The following ME3 variants were observed in gnomAD, a reference collection of about 807,000 sequenced individuals.
ME3 encodes NADP-dependent malic enzyme, mitochondrial.
Under a neutral mutation model 68.9 loss-of-function variants are expected in ME3, and 48 were observed. That is an observed-to-expected ratio of 0.70 (90% CI 0.55 to 0.89). ME3 has a LOEUF of 0.89. ME3 is among the 40% of genes least tolerant of loss of function. The pLI is 0.00. For missense variants in ME3, 675 were observed against 797.4 expected (o/e 0.85, Z 1.85); for synonymous variants, 320 against 318.8 (o/e 1.00, Z -0.04).
At chr11:86,475,546 C>T (rs181502481) in intron 7 of ME3, among the ~76,000 whole-genome samples, 34 of 151,994 alleles carry the variant, frequency 2.2e-4, no homozygotes, top group East Asian at 7.7e-4. Flanking sequence ...AGGGAAGGCA[C>T]GTGATAAATA....
At chr11:86,458,940 G>A (rs1950090292) in intron 8 of ME3, among the ~76,000 whole-genome samples, 1 of 152,180 alleles carries the variant, frequency 6.6e-6, no homozygotes, top group South Asian at 2.1e-4. Context: ...TTATCTTCCA[G>A]GGATGTATTT....
the ME3 span, chr11:86,435,794 T>G: frequency 1.3e-5 from 2 of 152,216 alleles, no homozygotes; most frequent in African/African-American, 4.8e-5. Context: ...CATAGGGAGC[T>G]CTGAGGATGG....
chr11:86,539,647 G>A (rs1223040355), intron 4 of ME3, among the ~76,000 whole-genome samples: 1 of 152,136 alleles, frequency 6.6e-6, no homozygotes, highest in Non-Finnish European at 1.5e-5. Context: ...GCAGATATAG[G>A]GAAGAACAAT....
intron 2 of ME3, among the ~76,000 whole-genome samples, chr11:86,575,929 T>A (rs7122008): frequency 2.0e-5 from 3 of 152,166 alleles, no homozygotes; most frequent in Non-Finnish European, 2.9e-5. Flanking sequence ...TGTGAAATTG[T>A]GAATAAGAGC....
rs543256115 is a variant in ME3, at chr11:86,602,900, T to C, written c.184-43077A>G. On this transcript the variant is annotated intron_variant, in intron 2 of 14. Coordinates refer to ENST00000543262, the Ensembl canonical transcript of ME3. ...GCTGGGAAAACTGGCTAGCCATATG[T>C]AGAAAGCTGAAACTGGATCCTTTCC... is the stretch of plus-strand genomic sequence containing the variant. Among the ~76,000 whole-genome samples the C allele has an allele frequency of 8.5e-5, 13 of 152,296 alleles. No homozygotes were observed. In the East Asian group the frequency reaches 2.1e-3, roughly 25 times the overall value.
At chr11:86,517,831 A>T (rs1003111301) in intron 4 of ME3, among the ~76,000 whole-genome samples, 1 of 152,132 alleles carries the variant, frequency 6.6e-6, no homozygotes, top group African/African-American at 2.4e-5. Context: ...CAGGTACTCT[A>T]TAAGTGATGT....
chr11:86,476,946 T>C (rs1194871714), intron 7 of ME3, among the ~76,000 whole-genome samples: 1 of 152,202 alleles, frequency 6.6e-6, no homozygotes, highest in East Asian at 1.9e-4. Context: ...TGAATGGATA[T>C]ATTAACTCAA....
At chr11:86,648,978 A>T (rs537169468) in intron 2 of ME3, among the ~76,000 whole-genome samples, 14 of 152,056 alleles carry the variant, frequency 9.2e-5, no homozygotes, top group African/African-American at 2.9e-4. Flanking sequence ...GGCCAGAATC[A>T]TCCTGATACC....
intron 4 of ME3, among the ~76,000 whole-genome samples, chr11:86,531,642 A>G (rs557247000): frequency 1.3e-3 from 194 of 152,346 alleles, no homozygotes; most frequent in African/African-American, 4.4e-3. Context: ...AATGTGGCAC[A>G]TATACACCAT....
At chr11:86,597,858 G>A (rs893566915) in intron 2 of ME3, among the ~76,000 whole-genome samples, 3 of 151,970 alleles carry the variant, frequency 2.0e-5, no homozygotes, top group Non-Finnish European at 2.9e-5. Context: ...TTAACCTTAA[G>A]GTTATCATAT....
chr11:86,560,744 G>GTATATATATA (rs58764893), intron 2 of ME3, among the ~76,000 whole-genome samples: 5 of 66,918 alleles, frequency 7.5e-5, no homozygotes, highest in Middle Eastern at 7.4e-3. Context: ...GTGTGTGTGT[G>GTATATATATA]TGTGTATATA....
intron 2 of ME3, among the ~76,000 whole-genome samples, chr11:86,654,277 G>C (rs998804606): frequency 6.6e-6 from 1 of 152,172 alleles, no homozygotes; most frequent in Non-Finnish European, 1.5e-5. Flanking sequence ...ACCAAAGCCA[G>C]GCAGAGACAC....
intron 7 of ME3, among the ~76,000 whole-genome samples, chr11:86,466,746 G>A (rs35621612): frequency 0.066 from 10,073 of 152,296 alleles, 435 homozygotes; most frequent in Non-Finnish European, 0.1. Flanking sequence ...AGTCAAGGCT[G>A]TTGGTAGAAG....
At chr11:86,605,095 TA>T (rs1199949815) in intron 2 of ME3, among the ~76,000 whole-genome samples, 1 of 152,250 alleles carries the variant, frequency 6.6e-6, no homozygotes, top group Non-Finnish European at 1.5e-5. Flanking sequence ...AACGGAATCA[TA>T]ACGTATGTGA....
intron 2 of ME3, among the ~76,000 whole-genome samples, chr11:86,602,637 G>A (rs549423134): frequency 9.2e-5 from 14 of 152,196 alleles, no homozygotes; most frequent in African/African-American, 2.4e-4. Context: ...AAAAGAGCCC[G>A]CATCAGTAAG....
At chr11:86,632,812 C>T (rs1944100015) in intron 2 of ME3, among the ~76,000 whole-genome samples, 1 of 152,198 alleles carries the variant, frequency 6.6e-6, no homozygotes, top group Admixed American at 6.5e-5. Flanking sequence ...TCTGCAGTCA[C>T]ACGAATCTCT....
chr11:86,534,400 C>A (rs11234684), intron 4 of ME3, among the ~76,000 whole-genome samples: 1 of 151,850 alleles, frequency 6.6e-6, no homozygotes, highest in Non-Finnish European at 1.5e-5. Context: ...TTAGGCTGGG[C>A]GAGGTGGCTT....
intron 8 of ME3, among the ~76,000 whole-genome samples, chr11:86,462,205 T>TC (rs976737084): frequency 6.6e-6 from 1 of 152,238 alleles, no homozygotes; most frequent in African/African-American, 2.4e-5. Flanking sequence ...ATTTTTTCAA[T>TC]ACATATATTT....
At chr11:86,445,563 T>A (rs912993821) in intron 13 of ME3, among the ~76,000 whole-genome samples, 3 of 152,192 alleles carry the variant, frequency 2.0e-5, no homozygotes, top group African/African-American at 7.2e-5. Flanking sequence ...TTGATTAGCT[T>A]AACCTCTCAA....
Sources: allele counts gnomAD v4.1 joint callset (sites outside exome capture counted in the v4.1 genomes callset), GRCh38; gene constraint gnomAD v4.1.1; transcripts MANE v1.5; gene names NCBI Gene and HGNC (gene_info 2026-07-23, HGNC 2026-07-21).